CFAP157: variants seen among roughly 807,000 people sequenced by gnomAD.
CFAP157 encodes cilia and flagella associated protein 157, also known as cilia- and flagella-associated protein 157.
A neutral mutation model predicts 57.8 loss-of-function variants in CFAP157; 43 were observed. That is an observed-to-expected ratio of 0.74 (90% CI 0.58 to 0.96). The LOEUF (loss-of-function observed/expected upper bound fraction) is 0.96. Ranked by LOEUF, CFAP157 falls within the 40% of genes least tolerant of loss-of-function variation. The pLI is 0.00. For missense variants in CFAP157, 606 were observed against 655.3 expected, an observed-to-expected ratio of 0.92 and a Z score of 0.82; for synonymous variants, 267 against 269.0, an observed-to-expected ratio of 0.99 and a Z score of 0.07.
chr9:127,715,948 T>C lies in CFAP157; in HGVS notation c.*2043T>C. ...TGACTTGCGGCGAAAATCTGGCAAG[T>C]CCTTTCCCCGCTGTAGGCCTCAACC... On this transcript the variant is annotated 3_prime_UTR_variant, in exon 9 of 9. Transcript: ENST00000373295. The surrounding 1 kb of genome is among the most constrained non-coding windows in gnomAD (Gnocchi z 5.8). 1 of 831,004 alleles carries C rather than the reference T, an allele frequency of 1.2e-6. No homozygotes were observed. Among genetic ancestry groups the C allele is most frequent in the Admixed American group, 2.7e-5 (1 of 37,088 alleles). 51.5% of individuals were successfully genotyped at this position (831,004 alleles called of 1,614,324 possible).
chr9:127,711,634 G>A (rs1319327209), intron 4 of CFAP157, 138 bp downstream of exon 4: 14 of 1,220,924 alleles, frequency 1.1e-5, no homozygotes, highest in Non-Finnish European at 1.6e-5. Flanking sequence ...CCTCCTGTGG[G>A]GGCTGCAGGG....
At position 127,713,138 on chromosome 9, in the gene CFAP157, C is replaced by A. The variant is rs772645395; in HGVS notation, c.1423C>A (p.Pro475Thr). 12 of 1,609,930 alleles carry A rather than the reference C, an allele frequency of 7.5e-6. No individual in the cohort carries two copies. The highest frequency in any genetic ancestry group is 1.0e-5 in the Non-Finnish European group (12 of 1,177,720). The change falls in exon 8 of 9, where the codon CCC becomes ACC. Residue 475 changes from proline to threonine, a missense_variant. By Grantham distance (38) the Pro-to-Thr change is conservative. Coordinates refer to ENST00000373295, the MANE Select transcript of CFAP157 (RefSeq NM_001012502.3). ...VPRQVHIPPN[P>T]QDLRLLSYIT... ...TCGCCAGGTCCACATCCCACCCAACCCCCAGGACCTCAGGCTGCTGTCATA... is the reference window on the plus strand; with the variant it reads ...TCGCCAGGTCCACATCCCACCCAACACCCAGGACCTCAGGCTGCTGTCATA...
At chr9:127,713,813 C>G (rs1228721943) in intron 8 of CFAP157, 21 bp from the exon 9 acceptor site, 1 of 1,611,890 alleles carries the variant, frequency 6.2e-7, no homozygotes, top group Non-Finnish European at 8.5e-7. Flanking sequence ...GGCCTCCAAG[C>G]CAGCATCTTT....
At chr9:127,712,484 TCG>T in intron 6 of CFAP157, 135 bp downstream of exon 6, 1 of 1,456,828 alleles carries the variant, frequency 6.9e-7, no homozygotes, top group Admixed American at 2.3e-5. Context: ...AGTCTGTCCT[TCG>T]CTGATTCTGG....
chr9:127,712,521 T>G, intron 6 of CFAP157, 172 bp downstream of exon 6: 1 of 1,492,196 alleles, frequency 6.7e-7, no homozygotes, highest in Non-Finnish European at 9.0e-7. Context: ...TCCAAGGTCT[T>G]AAAGGAGCTG....
At position 127,711,950 on chromosome 9, in the gene CFAP157, A is replaced by T; in HGVS notation, c.986A>T (p.Lys329Met). ...LQLQVDNQAL[K>M]SQRDQLSLQL... The stretch of plus-strand genomic sequence containing the variant: ...CTGCAGGTGGATAACCAGGCACTGA[A>T]GTGCGTATGGCCCACGGAGGGGCGG... Residue 329 changes from lysine (K) to methionine (M), a missense_variant and splice_region_variant, in exon 5 of 9, where the codon AAG becomes ATG. By Grantham distance (95) the Lys-to-Met change is moderately conservative (BLOSUM62 -1). Coordinates refer to ENST00000373295, the MANE Select transcript of CFAP157 (RefSeq NM_001012502.3). 1 of 1,605,592 alleles carries T rather than the reference A, an allele frequency of 6.2e-7. No homozygotes were observed. Among genetic ancestry groups the T allele is most frequent in the Non-Finnish European group, 8.5e-7 (1 of 1,177,628 alleles).
At position 127,715,259 on chromosome 9, in the gene CFAP157, C is replaced by T; in HGVS notation, c.*1354C>T. 6.7e-7 allele frequency: 1 copy of T among 1,485,452 alleles called. No homozygotes were observed. The highest frequency in any genetic ancestry group is 9.1e-7 in the Non-Finnish European group (1 of 1,101,090). 92.0% of individuals were successfully genotyped at this position (1,485,452 alleles called of 1,614,324 possible). A position where few individuals can be genotyped will look rare whatever the true frequency, so the allele number is the denominator to read the frequency against. On this transcript the variant is annotated 3_prime_UTR_variant, in exon 9 of 9. Coordinates refer to ENST00000373295, the MANE Select transcript of CFAP157 (RefSeq NM_001012502.3). The surrounding 1 kb of genome is among the most constrained non-coding windows in gnomAD (Gnocchi z 5.8). ...CGCCACCCCCGATCTCACAGCGTCC[C>T]GTGGGCCCCAACGCAGAGGAGCGGA...
At position 127,714,941 on chromosome 9, in the gene CFAP157, G is replaced by GGGGGGGGCC; in HGVS notation, c.*1036_*1037insGGGGGGGCC. 2.2e-6 allele frequency: 1 copy of GGGGGGGGCC among 446,382 alleles called. No individual in the cohort carries two copies. The highest frequency in any genetic ancestry group is 4.1e-6 in the Non-Finnish European group (1 of 246,458). The allele number at this position is 446,382 out of a possible 1,614,324, so 27.7% of individuals were successfully genotyped here. ...CCGCGCCCCAACCCCCACCCCCTTG[G>GGGGGGGGCC]CCCGCCCGCCCACCCCTGGCGCTCT... On this transcript the variant is annotated 3_prime_UTR_variant, in exon 9 of 9. Coordinates refer to ENST00000373295, the MANE Select transcript of CFAP157 (RefSeq NM_001012502.3).
In CFAP157 at chr9:127,714,481, C is replaced by T; in HGVS notation, c.*576C>T. The T allele has an allele frequency of 6.2e-7, 1 of 1,607,126 alleles. No individual in the cohort carries two copies. The highest frequency in any genetic ancestry group is 1.1e-5 in the South Asian group (1 of 90,896). ...CTCCCTGGGGCAGTGTCCTTCCACCCCTCCCTGCCCCGGCTGGGTCAGAGC... is the reference window on the plus strand; with the variant it reads ...CTCCCTGGGGCAGTGTCCTTCCACCTCTCCCTGCCCCGGCTGGGTCAGAGC... On this transcript the variant is annotated 3_prime_UTR_variant, in exon 9 of 9. Coordinates refer to ENST00000373295, the MANE Select transcript of CFAP157 (RefSeq NM_001012502.3).
chr9:127,714,546 C>T lies in CFAP157; in HGVS notation c.*641C>T. On this transcript the variant is annotated 3_prime_UTR_variant, in exon 9 of 9. Transcript: ENST00000373295. ...GGAGACTGGGTCAGCAGCCCTACTC[C>T]ACCCCAACTGGGAGGCCTGAAGCCC... The T allele has an allele frequency of 6.3e-7, 1 of 1,594,580 alleles. No homozygotes were observed. Among genetic ancestry groups the T allele is most frequent in the Non-Finnish European group, 8.6e-7 (1 of 1,162,758 alleles).
At chr9:127,707,353 C>T (rs1329910489) in intron 1 of CFAP157, among the ~76,000 whole-genome samples, 161 bp downstream of exon 1, 2 of 152,232 alleles carry the variant, frequency 1.3e-5, no homozygotes, top group African/African-American at 4.8e-5. Flanking sequence ...TCATACGTAC[C>T]TTTGGGAGGT....
Position 127,713,077 on chromosome 9 carries a change from C to T in CFAP157, c.1362C>T (p.Ile454=), listed in dbSNP as rs1330152280. 3 of 1,613,772 alleles carry T rather than the reference C, an allele frequency of 1.9e-6. No homozygotes were observed. Among genetic ancestry groups the T allele is most frequent in the African/African-American group, 2.7e-5 (2 of 74,944 alleles). Residue 454 remains isoleucine (I), a synonymous_variant, in exon 8 of 9, where the codon ATC becomes ATT. Transcript: ENST00000373295. ...CTCTGCTGCCGCAGCTCTCTGACAT[C>T]ACCCCCTACCAGCCGGGGGATCTAG... The part of the protein sequence containing the change: ...TGSLLPQLSD[I]TPYQPGDLGL...
chr9:127,715,824 G>T lies in CFAP157; in HGVS notation c.*1919G>T, dbSNP rs1842967248. ...TCCGGGAACCCAGGCGCCTTCAGTAGCGCGGCGTCACAGTGTCCCTTCGGG... is the reference window on the plus strand; with the variant it reads ...TCCGGGAACCCAGGCGCCTTCAGTATCGCGGCGTCACAGTGTCCCTTCGGG... On this transcript the variant is annotated 3_prime_UTR_variant, in exon 9 of 9. Coordinates refer to ENST00000373295, the MANE Select transcript of CFAP157 (RefSeq NM_001012502.3). The surrounding 1 kb of genome is among the most constrained non-coding windows in gnomAD (Gnocchi z 5.8). 2 of 1,195,568 alleles carry T rather than the reference G, an allele frequency of 1.7e-6. No individual in the cohort carries two copies. The highest frequency in any genetic ancestry group is 1.2e-6 in the Non-Finnish European group (1 of 859,766). 74.1% of individuals were successfully genotyped at this position (1,195,568 alleles called of 1,614,324 possible). A position where few individuals can be genotyped will look rare whatever the true frequency, so the allele number is the denominator to read the frequency against.
Position 127,711,305 on chromosome 9 carries a change from G to A in CFAP157, c.664G>A (p.Glu222Lys), listed in dbSNP as rs1842760603. ...FHKVTTNRMW[E>K]TTKRAIKENN... is the part of the protein sequence containing the mutation. ...CAAGGTGACCACGAACCGGATGTGG[G>A]AGACAACCAAGCGGGCCATCAAAGA... Residue 222 changes from glutamate to lysine, a missense_variant, in exon 4 of 9, where the codon GAG (glutamate) becomes AAG (lysine). Glu to Lys is a moderately conservative substitution (Grantham distance 56, BLOSUM62 1). Transcript: ENST00000373295. 1.2e-6 allele frequency: 2 copies of A among 1,614,058 alleles called. No individual in the cohort carries two copies. The highest frequency in any genetic ancestry group is 1.7e-6 in the Non-Finnish European group (2 of 1,180,048).
rs1842746353 is a variant in CFAP157, at chr9:127,710,727, A to G, written c.560A>G (p.Glu187Gly). 2.5e-6 allele frequency: 4 copies of G among 1,569,686 alleles called. No homozygotes were observed. Among genetic ancestry groups the G allele is most frequent in the African/African-American group, 1.3e-5 (1 of 74,206 alleles). The change falls in exon 3 of 9, where the codon GAG (glutamate) becomes GGG (glycine). Residue 187 changes from glutamate to glycine, a missense_variant. Glu to Gly is a moderately conservative substitution (Grantham distance 98). Transcript: ENST00000373295. ...NEFRDYAYNL[E>G]KKSVLDKDRL... is the part of the protein sequence containing the mutation. ...TTCAGGGACTATGCATACAACCTGG[A>G]GAAGAAGTCGGTGCTGGACAAGGAC...
chr9:127,713,231 A>T (rs749344470), intron 8 of CFAP157, 25 bp downstream of exon 8: 189 of 1,505,904 alleles, frequency 1.3e-4, no homozygotes, highest in Non-Finnish European at 1.7e-4. Context: ...GGCCCCAGGG[A>T]AAGCAAGGTG....
Position 127,715,820 on chromosome 9 carries a change from A to G in CFAP157, c.*1915A>G. ...CGAGTCCGGGAACCCAGGCGCCTTCAGTAGCGCGGCGTCACAGTGTCCCTT... is the reference window on the plus strand; with the variant it reads ...CGAGTCCGGGAACCCAGGCGCCTTCGGTAGCGCGGCGTCACAGTGTCCCTT... On this transcript the variant is annotated 3_prime_UTR_variant, in exon 9 of 9. Transcript: ENST00000373295. The surrounding 1 kb of genome is among the most constrained non-coding windows in gnomAD (Gnocchi z 5.8). The G allele has an allele frequency of 8.1e-7, 1 of 1,231,504 alleles. No individual in the cohort carries two copies. The highest frequency in any genetic ancestry group is 1.4e-5 in the South Asian group (1 of 72,480). 76.3% of individuals were successfully genotyped at this position (1,231,504 alleles called of 1,614,324 possible).
chr9:127,712,147 C>A, intron 5 of CFAP157, 52 bp from the exon 6 acceptor site: 2 of 1,604,012 alleles, frequency 1.2e-6, no homozygotes, highest in Non-Finnish European at 1.7e-6. Context: ...CCCAGGTGGC[C>A]CCAGTCCTGG....
Position 127,712,640 on chromosome 9 carries a change from G to A in CFAP157, c.1138-69G>A, listed in dbSNP as rs879122041. Reference sequence around the variant, plus strand: ...CTTCGTGGAAATGGGCACTGAGGTTGGAATTTCCTGGACGAGGGTGGGTAC... The same window carrying A: ...CTTCGTGGAAATGGGCACTGAGGTTAGAATTTCCTGGACGAGGGTGGGTAC... On this transcript the variant is annotated intron_variant, in intron 6 of 8. Coordinates refer to ENST00000373295, the MANE Select transcript of CFAP157 (RefSeq NM_001012502.3). 3.1e-6 allele frequency: 5 copies of A among 1,612,490 alleles called. No individual in the cohort carries two copies. In the South Asian group the frequency reaches 3.3e-5, roughly 11 times the overall value.
Sources: gnomAD v4.1 joint callset for allele counts (sites outside exome capture counted in the v4.1 genomes callset) on GRCh38, gnomAD v4.1.1 for gene constraint, Gnocchi (gnomAD v3.1) non-coding constraint, MANE v1.5 for transcripts, NCBI Gene and HGNC (gene_info 2026-07-23, HGNC 2026-07-21) for gene names.